Variants in CDK14 observed in about 807,000 individuals in gnomAD.
The protein encoded by CDK14 is cyclin dependent kinase 14, also known as cyclin-dependent kinase 14.
In CDK14, 34 loss-of-function variants were observed where a neutral mutation model predicts 60.7. The observed-to-expected ratio is 0.56, with a 90% confidence interval of 0.43 to 0.75. CDK14 has a LOEUF of 0.75. Among genes scored for constraint, CDK14 ranks in the 30% least tolerant of loss-of-function variants. The pLI, the probability that CDK14 is intolerant of heterozygous loss-of-function variation, is 0.00. For missense variants in CDK14, 482 were observed against 564.1 expected (o/e 0.85, Z 1.47); for synonymous variants, 197 against 203.7 (o/e 0.97, Z 0.28).
At chr7:90,866,257 C>CAA (rs1280820755) in intron 6 of CDK14, among the ~76,000 whole-genome samples, 2 of 151,502 alleles carry the variant, frequency 1.3e-5, no homozygotes, top group African/African-American at 4.8e-5. Context: ...CACACACACA[C>CAA]ACACACACAC....
intron 10 of CDK14, among the ~76,000 whole-genome samples, chr7:91,001,835 AGTT>A (rs1260887348): frequency 6.6e-6 from 1 of 152,230 alleles, no homozygotes; most frequent in African/African-American, 2.4e-5. Flanking sequence ...GCTTAAACCC[AGTT>A]GTTGTCTTTA....
chr7:91,070,999 G>A (rs1290667842), intron 11 of CDK14, among the ~76,000 whole-genome samples: 1 of 152,158 alleles, frequency 6.6e-6, no homozygotes, highest in Non-Finnish European at 1.5e-5. Flanking sequence ...CAGAGAAAGA[G>A]TGATCCATAA....
At chr7:91,098,835 G>A (rs1799082356) in intron 12 of CDK14, among the ~76,000 whole-genome samples, 1 of 152,066 alleles carries the variant, frequency 6.6e-6, no homozygotes, top group Admixed American at 6.6e-5. Context: ...ACTGTAAAAG[G>A]TGATTTCCTT....
chr7:90,816,492 T>C (rs1403373357), intron 5 of CDK14, among the ~76,000 whole-genome samples: 1 of 152,238 alleles, frequency 6.6e-6, no homozygotes, highest in Non-Finnish European at 1.5e-5. Context: ...TTTGTTACTT[T>C]GGCATGAATT....
At chr7:91,154,752 T>A (rs1398080970) in intron 14 of CDK14, among the ~76,000 whole-genome samples, 1 of 152,140 alleles carries the variant, frequency 6.6e-6, no homozygotes, top group Non-Finnish European at 1.5e-5. Context: ...GTTATTGAGT[T>A]GTTGTTAGTA....
intron 12 of CDK14, among the ~76,000 whole-genome samples, chr7:91,080,764 A>G (rs1388763778): frequency 6.6e-6 from 1 of 152,226 alleles, no homozygotes; most frequent in Admixed American, 6.5e-5. Context: ...ATTCTTGATA[A>G]AGCCATTGAA....
chr7:90,831,171 C>A (rs189846364), intron 5 of CDK14, among the ~76,000 whole-genome samples: 1 of 152,172 alleles, frequency 6.6e-6, no homozygotes, highest in Non-Finnish European at 1.5e-5. Flanking sequence ...TTTCACACTG[C>A]TATAAATAAC....
chr7:91,060,228 C>CTT (rs373760085), intron 11 of CDK14, among the ~76,000 whole-genome samples: 12 of 142,036 alleles, frequency 8.4e-5, no homozygotes, highest in African/African-American at 2.1e-4. Context: ...CAACCCCTGC[C>CTT]TTTTTTTTTT....
At chr7:90,756,015 G>T (rs10281060) in intron 4 of CDK14, among the ~76,000 whole-genome samples, 12 of 152,066 alleles carry the variant, frequency 7.9e-5, no homozygotes, top group African/African-American at 2.9e-4. Context: ...GGCTTAGAGA[G>T]GTTTAGCATC....
At chr7:90,908,495 G>A (rs1236303533) in intron 7 of CDK14, among the ~76,000 whole-genome samples, 1 of 152,124 alleles carries the variant, frequency 6.6e-6, no homozygotes, top group African/African-American at 2.4e-5. Flanking sequence ...TTAATTGTAA[G>A]TTACCCAACT....
At chr7:90,829,720 A>G (rs762478047) in intron 5 of CDK14, among the ~76,000 whole-genome samples, 21 of 152,130 alleles carry the variant, frequency 1.4e-4, no homozygotes, top group Non-Finnish European at 2.9e-4. Flanking sequence ...TTTAGTAGAG[A>G]CAGGGTTTCA....
chr7:90,807,348 G>A (rs1328153153), intron 5 of CDK14, among the ~76,000 whole-genome samples: 1 of 152,204 alleles, frequency 6.6e-6, no homozygotes, highest in East Asian at 1.9e-4. Context: ...CTGATACCCA[G>A]GCAAACAGGT....
intron 2 of CDK14, among the ~76,000 whole-genome samples, chr7:90,688,024 T>C (rs1246152268): frequency 6.6e-6 from 1 of 152,178 alleles, no homozygotes; most frequent in Non-Finnish European, 1.5e-5. Context: ...CTTAGAATTA[T>C]GATTTCTTTT....
intron 2 of CDK14, among the ~76,000 whole-genome samples, chr7:90,626,512 A>T (rs1039180258): frequency 6.6e-6 from 1 of 152,188 alleles, no homozygotes; most frequent in Non-Finnish European, 1.5e-5. Flanking sequence ...TAATTTCTAT[A>T]ATTTATCTAT....
At chr7:90,922,422 G>GT (rs979367456) in intron 8 of CDK14, among the ~76,000 whole-genome samples, 242 of 148,706 alleles carry the variant, frequency 1.6e-3, no homozygotes, top group African/African-American at 2.9e-3. Context: ...CAAAGAAAGG[G>GT]TTTTTTTTTT....
intron 6 of CDK14, among the ~76,000 whole-genome samples, chr7:90,870,622 G>C (rs59378987): frequency 1.3e-5 from 2 of 151,906 alleles, no homozygotes; most frequent in Admixed American, 1.3e-4. Context: ...CCTCATAAAC[G>C]TCCACTAGAT....
chr7:90,958,236 G>T (rs1300879843), intron 9 of CDK14, among the ~76,000 whole-genome samples: 1 of 152,064 alleles, frequency 6.6e-6, no homozygotes, highest in Non-Finnish European at 1.5e-5. Context: ...TGTTCTAGCA[G>T]CCCTCCCTAA....
intron 5 of CDK14, among the ~76,000 whole-genome samples, chr7:90,820,040 G>A (rs535959671): frequency 1.3e-3 from 202 of 151,922 alleles, no homozygotes; most frequent in African/African-American, 4.7e-3. Context: ...AGGTTTTTGC[G>A]CCCCCAACCC....
chr7:90,849,770 A>G (rs1584042916), intron 5 of CDK14, among the ~76,000 whole-genome samples: 2 of 152,164 alleles, frequency 1.3e-5, no homozygotes, highest in Non-Finnish European at 2.9e-5. Flanking sequence ...AAAATACTGC[A>G]CAGGGTACTT....
Sources: gnomAD v4.1 joint callset for allele counts (sites outside exome capture counted in the v4.1 genomes callset) on GRCh38, gnomAD v4.1.1 for gene constraint, MANE v1.5 for transcripts, NCBI Gene and HGNC (gene_info 2026-07-23, HGNC 2026-07-21) for gene names.